The following RARB variants were observed in gnomAD, a reference collection of about 807,000 sequenced individuals.
RARB encodes the protein retinoic acid receptor beta, also known as HBV-activated protein.
Under a neutral mutation model 51.9 loss-of-function variants are expected in RARB, and 17 were observed. The observed-to-expected ratio is 0.33, with a 90% confidence interval of 0.22 to 0.49. The LOEUF (loss-of-function observed/expected upper bound fraction) is 0.49, where lower values mean the gene tolerates loss of function less well. Among genes scored for constraint, RARB ranks in the 20% least tolerant of loss-of-function variants. The pLI is 0.99. For missense variants in RARB, 369 were observed against 550.8 expected (o/e 0.67, Z 3.30); for synonymous variants, 215 against 195.4 (o/e 1.10, Z -0.84).
chr3:25,248,527 T>C (rs901958716), intron 5 of RARB, among the ~76,000 whole-genome samples: 1 of 152,224 alleles, frequency 6.6e-6, no homozygotes, highest in African/African-American at 2.4e-5. Context: ...GTGTGTTTGC[T>C]CTACCAGTGT....
chr3:25,325,705 C>G (rs763091998), intron 5 of RARB, among the ~76,000 whole-genome samples: 1 of 151,760 alleles, frequency 6.6e-6, no homozygotes, highest in Non-Finnish European at 1.5e-5. Context: ...TGAGCCCTCC[C>G]CATGCCACTG....
intron 5 of RARB, among the ~76,000 whole-genome samples, chr3:25,374,066 T>C (rs1162645741): frequency 6.6e-6 from 1 of 152,092 alleles, no homozygotes; most frequent in African/African-American, 2.4e-5. Context: ...CATGTTCAAA[T>C]TGGAATCCTA....
At chr3:25,366,749 A>T (rs565104350) in intron 5 of RARB, among the ~76,000 whole-genome samples, 1 of 152,114 alleles carries the variant, frequency 6.6e-6, no homozygotes, top group African/African-American at 2.4e-5. Flanking sequence ...GCACACATGA[A>T]CTCTCTGTGG....
intron 5 of RARB, among the ~76,000 whole-genome samples, chr3:25,419,491 G>C (rs569532875): frequency 2.0e-5 from 3 of 152,312 alleles, no homozygotes; most frequent in Admixed American, 2.0e-4. Flanking sequence ...CCTGACTAAA[G>C]CTTTGGTCAA....
At chr3:25,328,531 A>G (rs1008145253) in intron 5 of RARB, among the ~76,000 whole-genome samples, 5 of 152,210 alleles carry the variant, frequency 3.3e-5, no homozygotes, top group African/African-American at 9.6e-5. Context: ...AAGAAAAAGT[A>G]AAAATAAATA....
chr3:25,306,476 AG>A (rs1477436443), intron 5 of RARB, among the ~76,000 whole-genome samples: 2 of 152,054 alleles, frequency 1.3e-5, no homozygotes, highest in African/African-American at 2.4e-5. Flanking sequence ...CTTGTTTCAT[AG>A]AAAAACCAGG....
intron 2 of RARB, among the ~76,000 whole-genome samples, chr3:24,927,131 A>C (rs1575075716): frequency 6.6e-6 from 1 of 152,090 alleles, no homozygotes; most frequent in South Asian, 2.1e-4. Context: ...TGTTTTTTGC[A>C]AAACCATTTT....
intron 2 of RARB, among the ~76,000 whole-genome samples, chr3:24,950,408 GTAA>G (rs1266986150): frequency 6.6e-6 from 1 of 152,208 alleles, no homozygotes; most frequent in East Asian, 1.9e-4. Flanking sequence ...AGGATTCTAA[GTAA>G]TAATAATCTC....
intron 1 of RARB, chr3:25,441,374 A>G: frequency 3.9e-6 from 1 of 259,322 alleles, no homozygotes; most frequent in Non-Finnish European, 7.8e-6. Context: ...ACTTCGTATA[A>G]AGCCTAATTT....
At chr3:24,905,634 T>C (rs980142887) in intron 2 of RARB, among the ~76,000 whole-genome samples, 1 of 152,208 alleles carries the variant, frequency 6.6e-6, no homozygotes, top group Non-Finnish European at 1.5e-5. Context: ...TTTATTGCCT[T>C]TCTTTCCTTC....
chr3:25,276,550 T>C (rs73154937), intron 5 of RARB, among the ~76,000 whole-genome samples: 11 of 152,316 alleles, frequency 7.2e-5, no homozygotes, highest in African/African-American at 2.6e-4. Flanking sequence ...CCTTAGTAAC[T>C]AGGAAACTAC....
intron 5 of RARB, among the ~76,000 whole-genome samples, chr3:25,201,268 G>A (rs1237489028): frequency 6.6e-6 from 1 of 152,116 alleles, no homozygotes. Flanking sequence ...TGTGATTTTT[G>A]CACATTGATT....
intron 5 of RARB, among the ~76,000 whole-genome samples, chr3:25,391,127 A>T (rs954100088): frequency 1.1e-4 from 17 of 152,014 alleles, no homozygotes; most frequent in Non-Finnish European, 1.5e-5. Context: ...GCTCCTACTT[A>T]TAAGTGAGAA....
intron 5 of RARB, among the ~76,000 whole-genome samples, chr3:25,261,589 C>T (rs892102071): frequency 6.6e-6 from 1 of 152,134 alleles, no homozygotes; most frequent in Admixed American, 6.6e-5. Context: ...TCAGTTCAGG[C>T]TTCCACTAAT....
intron 5 of RARB, among the ~76,000 whole-genome samples, chr3:25,585,030 G>A (rs558665244): frequency 6.6e-6 from 1 of 151,196 alleles, no homozygotes; most frequent in East Asian, 1.9e-4. Flanking sequence ...GCTGTTGAAT[G>A]TGGGCTCTGA....
At chr3:25,265,995 A>G (rs1703116320) in intron 5 of RARB, among the ~76,000 whole-genome samples, 1 of 152,060 alleles carries the variant, frequency 6.6e-6, no homozygotes, top group African/African-American at 2.4e-5. Flanking sequence ...TCATCCTTAC[A>G]CTGCCATTTC....
chr3:24,836,111 G>C (rs542905553), intron 1 of RARB, among the ~76,000 whole-genome samples: 1 of 152,214 alleles, frequency 6.6e-6, no homozygotes, highest in African/African-American at 2.4e-5. Context: ...TTTTGAGAGA[G>C]TGAATGTGGA....
At chr3:25,030,999 C>T (rs975533484) in intron 2 of RARB, among the ~76,000 whole-genome samples, 4 of 152,132 alleles carry the variant, frequency 2.6e-5, no homozygotes, top group Non-Finnish European at 4.4e-5. Context: ...GAATGTAACC[C>T]TTTGCTTTCA....
At chr3:25,379,225 G>T (rs1446753861) in intron 5 of RARB, among the ~76,000 whole-genome samples, 1 of 152,138 alleles carries the variant, frequency 6.6e-6, no homozygotes, top group Admixed American at 6.6e-5. Flanking sequence ...GGAACCCCAT[G>T]CCAGAGCATA....
Sources: gnomAD v4.1 joint callset for allele counts (sites outside exome capture counted in the v4.1 genomes callset) on GRCh38, gnomAD v4.1.1 for gene constraint, MANE v1.5 for transcripts, NCBI Gene and HGNC (gene_info 2026-07-23, HGNC 2026-07-21) for gene names.